Variants in KCNH1 observed in about 807,000 individuals in gnomAD.
KCNH1 encodes the protein potassium voltage-gated channel subfamily H member 1, also known as voltage-gated delayed rectifier potassium channel KCNH1.
In KCNH1, 27 loss-of-function variants were observed where a neutral mutation model predicts 69.2. The ratio of observed to expected loss-of-function variants is 0.39; its 90% CI spans 0.29 to 0.54. The LOEUF (loss-of-function observed/expected upper bound fraction) is 0.54. Among genes scored for constraint, KCNH1 ranks in the 20% least tolerant of loss-of-function variants. The pLI, the probability that KCNH1 is intolerant of heterozygous loss-of-function variation, is 0.68. For synonymous variants in KCNH1, 456 were observed against 487.7 expected (o/e 0.93, Z 0.86); for missense variants, 798 against 1,261.6 (o/e 0.63, Z 5.57).
At chr1:210,770,181 A>T (rs1032169260) in intron 10 of KCNH1, among the ~76,000 whole-genome samples, 1 of 151,772 alleles carries the variant, frequency 6.6e-6, no homozygotes, top group Admixed American at 6.6e-5. Context: ...GAGGGGGAAC[A>T]TCACACACTG....
Position 210,919,334 on chromosome 1 carries a change from T to C in KCNH1, c.1462+306A>G, listed in dbSNP as rs1687412346. The C allele has an allele frequency of 3.8e-6, 1 of 263,792 alleles. No homozygotes were observed. Among genetic ancestry groups the C allele is most frequent in the Non-Finnish European group, 7.3e-6 (1 of 137,520 alleles). The allele number at this position is 263,792 out of a possible 1,614,324, so 16.3% of individuals were successfully genotyped here. A position where few individuals can be genotyped will look rare whatever the true frequency, so the allele number is the denominator to read the frequency against. ...CTCATTTTAAGTTTATAAAAATCTATATGTATTCAGATATGCAAAGAAAAT... is the reference window on the plus strand; with the variant it reads ...CTCATTTTAAGTTTATAAAAATCTACATGTATTCAGATATGCAAAGAAAAT... On this transcript the variant is annotated intron_variant, in intron 7 of 10. Transcript: ENST00000271751. This position sits in a 1 kb window ranked among gnomAD's most constrained non-coding sequence, Gnocchi z 4.2.
intron 6 of KCNH1, among the ~76,000 whole-genome samples, chr1:210,971,145 G>C (rs2102367009): frequency 6.6e-6 from 1 of 152,122 alleles, no homozygotes; most frequent in Non-Finnish European, 1.5e-5. Flanking sequence ...CAGAGACGAG[G>C]TCTCATTATA....
chr1:211,103,540 T>C lies in KCNH1; in HGVS notation c.266A>G (p.Asn89Ser), dbSNP rs1278435036. 3.7e-6 allele frequency: 6 copies of C among 1,613,550 alleles called. No individual in the cohort carries two copies. Among genetic ancestry groups the C allele is most frequent in the African/African-American group, 1.3e-5 (1 of 74,914 alleles). ...TIEKVRQTFENYEMNSFEILM... is the reference protein window; with the variant it reads ...TIEKVRQTFESYEMNSFEILM... ...AATTTCAAAGGAATTCATCTCATAG[T>C]TCTCAAATGTTTGCCGCACTTTTTC... is the stretch of plus-strand genomic sequence containing the variant. The change falls in exon 3 of 11, where the codon AAC becomes AGC. Residue 89 changes from asparagine to serine, a missense_variant. This residue lies in a region of KCNH1 where 266 missense variants were observed against 457.2 expected (regional missense o/e 0.58). Coordinates refer to ENST00000271751, the MANE Select transcript of KCNH1 (RefSeq NM_172362.3).
intron 5 of KCNH1, among the ~76,000 whole-genome samples, chr1:211,048,350 G>A (rs1690131228): frequency 6.6e-6 from 1 of 152,074 alleles, no homozygotes; most frequent in Admixed American, 6.6e-5. Flanking sequence ...CCAGAGGAAA[G>A]TAAGTCATTA....
chr1:211,069,175 T>C (rs1054560932), intron 5 of KCNH1, among the ~76,000 whole-genome samples: 6 of 152,146 alleles, frequency 3.9e-5, no homozygotes, highest in African/African-American at 1.4e-4. Context: ...ACCCTGTCCC[T>C]GCCAAGGGGT....
chr1:210,967,442 C>A (rs1289802445), intron 6 of KCNH1, among the ~76,000 whole-genome samples: 1 of 152,078 alleles, frequency 6.6e-6, no homozygotes, highest in East Asian at 1.9e-4. Context: ...AGACAAATGA[C>A]TTAAGCTTTT....
chr1:210,813,486 G>C (rs1283262818), intron 7 of KCNH1, among the ~76,000 whole-genome samples: 1 of 152,142 alleles, frequency 6.6e-6, no homozygotes, highest in East Asian at 1.9e-4. Context: ...TAGGGAATAA[G>C]ACCTGAGAAC....
chr1:210,904,212 A>T (rs561691007), intron 7 of KCNH1, among the ~76,000 whole-genome samples: 1 of 152,336 alleles, frequency 6.6e-6, no homozygotes, highest in South Asian at 2.1e-4. Context: ...AAATGATGAC[A>T]TAACTGCTTT....
At chr1:210,707,324 G>A (rs1211861310) in intron 10 of KCNH1, among the ~76,000 whole-genome samples, 2 of 152,132 alleles carry the variant, frequency 1.3e-5, no homozygotes, top group African/African-American at 4.8e-5. Context: ...AGAAGCACCA[G>A]GCCTTTCCCT....
Position 211,090,750 on chromosome 1 carries a change from A to C in KCNH1, c.311-60T>G, listed in dbSNP as rs1055344650. The stretch of plus-strand genomic sequence containing the variant: ...GCATTCTCATTTGAGGGGCTATGGA[A>C]GCAAAGACTTGGGAATGAATAGGTA... On this transcript the variant is annotated intron_variant, in intron 3 of 10. Coordinates refer to ENST00000271751, the MANE Select transcript of KCNH1 (RefSeq NM_172362.3). 3 of 1,481,010 alleles carry C rather than the reference A, an allele frequency of 2.0e-6. No homozygotes were observed. The South Asian group carries it at 3.7e-5, about 18-fold the overall frequency. 91.7% of individuals were successfully genotyped at this position (1,481,010 alleles called of 1,614,324 possible).
chr1:210,728,324 C>T (rs1953953), intron 10 of KCNH1, among the ~76,000 whole-genome samples: 71 of 151,992 alleles, frequency 4.7e-4, no homozygotes, highest in African/African-American at 1.7e-3. Context: ...ATTTCCAGTG[C>T]CTGGCACATA....
At chr1:211,041,658 G>T (rs1689997532) in intron 5 of KCNH1, among the ~76,000 whole-genome samples, 1 of 152,056 alleles carries the variant, frequency 6.6e-6, no homozygotes, top group Admixed American at 6.6e-5. Flanking sequence ...CTTCAAATAA[G>T]ATCTACATTC....
intron 7 of KCNH1, among the ~76,000 whole-genome samples, chr1:210,892,681 A>G (rs1391510800): frequency 6.6e-6 from 1 of 152,218 alleles, no homozygotes; most frequent in African/African-American, 2.4e-5. Context: ...ACCCCAAAAA[A>G]CTAAAGTTTG....
intron 10 of KCNH1, among the ~76,000 whole-genome samples, chr1:210,736,218 A>G (rs1405018244): frequency 6.6e-6 from 1 of 151,918 alleles, no homozygotes; most frequent in East Asian, 1.9e-4. Flanking sequence ...GCTTTGCACT[A>G]TTTTATCTCC....
rs566802330 is a variant in KCNH1 at position 210,792,989 on chromosome 1, G to T, written c.1915+4519C>A. ...GTACTACTTGGATAGGGGAAAAATGGTATCTCTACCTTTTAATACTGATTT... is the reference window on the plus strand; with the variant it reads ...GTACTACTTGGATAGGGGAAAAATGTTATCTCTACCTTTTAATACTGATTT... On this transcript the variant is annotated intron_variant, in intron 9 of 10. Transcript: ENST00000271751. 5.3e-5 allele frequency among the ~76,000 whole-genome samples: 8 copies of T among 152,184 alleles called. No individual in the cohort carries two copies. In the South Asian group the frequency reaches 1.7e-3, roughly 32 times the overall value.
intron 7 of KCNH1, among the ~76,000 whole-genome samples, chr1:210,908,782 C>G (rs1687167143): frequency 6.6e-6 from 1 of 152,162 alleles, no homozygotes; most frequent in Non-Finnish European, 1.5e-5. Context: ...CAGCCACCCC[C>G]ATTCCTGCCC....
intron 8 of KCNH1, among the ~76,000 whole-genome samples, chr1:210,800,809 G>A (rs954165741): frequency 3.3e-5 from 5 of 152,092 alleles, no homozygotes; most frequent in Admixed American, 3.3e-4. Flanking sequence ...AGATATCAAC[G>A]TGGAATCTCC....
chr1:210,984,750 T>G (rs1438689756), intron 6 of KCNH1, among the ~76,000 whole-genome samples: 2 of 151,964 alleles, frequency 1.3e-5, no homozygotes, highest in African/African-American at 4.8e-5. Flanking sequence ...ATTCTCTTTT[T>G]TTGTTGTGTC....
At chr1:210,741,906 G>A (rs1251420629) in intron 10 of KCNH1, among the ~76,000 whole-genome samples, 1 of 152,196 alleles carries the variant, frequency 6.6e-6, no homozygotes, top group Non-Finnish European at 1.5e-5. Context: ...GGGCAGAAGA[G>A]CCCCGCTAGA....
Sources: allele counts gnomAD v4.1 joint callset (sites outside exome capture counted in the v4.1 genomes callset), GRCh38; gene constraint gnomAD v4.1.1; regional missense constraint gnomAD v4.1.1; non-coding constraint Gnocchi (gnomAD v3.1); transcripts MANE v1.5; gene names NCBI Gene and HGNC (gene_info 2026-07-23, HGNC 2026-07-21).